USP2: variants seen among roughly 807,000 people sequenced by gnomAD.
The protein encoded by USP2 is ubiquitin specific peptidase 2.
Under a neutral mutation model 72.0 loss-of-function variants are expected in USP2, and 33 were observed. The ratio of observed to expected loss-of-function variants is 0.46; its 90% CI spans 0.35 to 0.61. The LOEUF (loss-of-function observed/expected upper bound fraction) is 0.61. Among genes scored for constraint, USP2 ranks in the 20% least tolerant of loss-of-function variants. USP2 has a pLI of 0.01. For synonymous variants in USP2, 296 were observed against 312.5 expected, an observed-to-expected ratio of 0.95 and a Z score of 0.56; for missense variants, 691 against 797.8, an observed-to-expected ratio of 0.87 and a Z score of 1.61.
chr11:119,357,003 C>T (rs950133405), intron 12 of USP2, 81 bp from the exon 13 acceptor site: 37 of 1,508,242 alleles, frequency 2.5e-5, no homozygotes, highest in African/African-American at 1.4e-4. Context: ...CCCCCGAGGC[C>T]GGCCGGCCTG....
intron 2 of USP2, among the ~76,000 whole-genome samples, chr11:119,361,615 G>A (rs1029609679): frequency 3.9e-5 from 6 of 151,910 alleles, no homozygotes; most frequent in African/African-American, 1.5e-4. Context: ...CAGCTGGGGG[G>A]GAGGGGTGTG....
rs1950813496 is a variant in USP2 at position 119,364,137 on chromosome 11, G to A, written c.775-3903C>T. The A allele has an allele frequency of 4.9e-6, 6 of 1,218,622 alleles. No individual in the cohort carries two copies. The East Asian group carries it at 9.8e-5, about 20-fold the overall frequency. 75.5% of individuals were successfully genotyped at this position (1,218,622 alleles called of 1,614,324 possible). On this transcript the variant is annotated intron_variant, in intron 2 of 12. Transcript: ENST00000260187. ...CAGCGTCCGCGGCGCCCGAACGCGC[G>A]CTCCTCCGCCTCAACCTCCCCGGCG...
intron 4 of USP2, 67 bp downstream of exon 4, chr11:119,359,470 G>T: frequency 6.2e-7 from 1 of 1,606,694 alleles, no homozygotes; most frequent in South Asian, 1.1e-5. Context: ...ACAACACCTA[G>T]AACAGCCCCA....
At chr11:119,381,269 G>T (rs1951055511) in intron 1 of USP2, among the ~76,000 whole-genome samples, 1 of 152,110 alleles carries the variant, frequency 6.6e-6, no homozygotes, top group Non-Finnish European at 1.5e-5. Context: ...CACACAGTTG[G>T]CTCTTCCTGG....
intron 1 of USP2, chr11:119,379,042 TCTC>T (rs1309629258): frequency 5.1e-6 from 5 of 985,358 alleles, no homozygotes; most frequent in Non-Finnish European, 6.0e-6. Flanking sequence ...GCTGGGGGCT[TCTC>T]CTTCCCCAGC....
rs1309336462 is a variant in USP2, at chr11:119,359,253, C to T, written c.1039G>A (p.Ala347Thr). 2 of 1,613,946 alleles carry T rather than the reference C, an allele frequency of 1.2e-6. No homozygotes were observed. Among genetic ancestry groups the T allele is most frequent in the Admixed American group, 1.7e-5 (1 of 60,012 alleles). ...SEFKTQIQRY[A>T]PRFVGYNQQD... ...TACTTATAGCCAACAAAGCGCGGTGCGTATCTCTGGATCTGGGTCTTGAAC... is the reference window on the plus strand; with the variant it reads ...TACTTATAGCCAACAAAGCGCGGTGTGTATCTCTGGATCTGGGTCTTGAAC... The change falls in exon 5 of 13, where the codon GCA (alanine) becomes ACA (threonine). Residue 347 changes from alanine (A) to threonine (T), a missense_variant. Physicochemically the swap from Ala to Thr is moderately conservative, Grantham distance 58. Coordinates refer to ENST00000260187, the MANE Select transcript of USP2 (RefSeq NM_004205.5).
At chr11:119,376,927 A>T (rs1951009621) in intron 1 of USP2, among the ~76,000 whole-genome samples, 1 of 152,276 alleles carries the variant, frequency 6.6e-6, no homozygotes, top group Non-Finnish European at 1.5e-5. Flanking sequence ...TTAAGCTGGG[A>T]TTCTTTCAGA....
At chr11:119,368,615 C>A (rs948095119) in intron 2 of USP2, among the ~76,000 whole-genome samples, 1 of 152,238 alleles carries the variant, frequency 6.6e-6, no homozygotes, top group Non-Finnish European at 1.5e-5. Context: ...AAATAGGACC[C>A]AGGTATTCAG....
intron 1 of USP2, among the ~76,000 whole-genome samples, chr11:119,380,278 A>G (rs1056032695): frequency 6.6e-6 from 1 of 151,816 alleles, no homozygotes; most frequent in Non-Finnish European, 1.5e-5. Flanking sequence ...ACCATGTCCC[A>G]TAACTGGGAA....
In USP2 at chr11:119,360,248, A is replaced by G. The variant is rs145283051; in HGVS notation, c.775-14T>C. On this transcript the variant is annotated splice_polypyrimidine_tract_variant and intron_variant, in intron 2 of 12. Coordinates refer to ENST00000260187, the MANE Select transcript of USP2 (RefSeq NM_004205.5). ...ACTCTTAGAATTCTGTAAGCAAAGA[A>G]CATATGGCAATAAGGTGGAAGCAAA... 2,029 of 1,613,766 alleles carry G rather than the reference A, an allele frequency of 1.3e-3. 22 individuals are homozygous for G. The African/African-American group carries it at 0.024, about 19-fold the overall frequency.
intron 2 of USP2, among the ~76,000 whole-genome samples, chr11:119,367,150 T>C (rs989331948): frequency 2.6e-5 from 4 of 152,224 alleles, no homozygotes; most frequent in African/African-American, 9.6e-5. Context: ...TTCTGGCATC[T>C]GAATCTGGCT....
chr11:119,381,365 T>G, intron 1 of USP2, 108 bp downstream of exon 1: 2 of 1,218,030 alleles, frequency 1.6e-6, no homozygotes, highest in Non-Finnish European at 2.3e-6. Flanking sequence ...TCCCTATATT[T>G]CTAGTGTCCA....
At chr11:119,358,285 A>G in intron 7 of USP2, 33 bp from the exon 8 acceptor site, 1 of 1,593,538 alleles carries the variant, frequency 6.3e-7, no homozygotes, top group Non-Finnish European at 8.6e-7. Context: ...ATGCTGAAAT[A>G]CAGGAAGTAG....
At chr11:119,364,504 G>T (rs1197447579) in intron 2 of USP2, among the ~76,000 whole-genome samples, 2 of 152,192 alleles carry the variant, frequency 1.3e-5, no homozygotes, top group Non-Finnish European at 2.9e-5. Flanking sequence ...CGCAGAGGAC[G>T]TCTCCCCAAG....
chr11:119,363,998 T>TGGGGGGC (rs1660588262), intron 2 of USP2: 5 of 180,576 alleles, frequency 2.8e-5, no homozygotes, highest in Non-Finnish European at 3.2e-5. Context: ...GTGCGCATGC[T>TGGGGGGC]GGGGGGCGGG....
At chr11:119,362,700 AAG>A (rs1318974527) in intron 2 of USP2, among the ~76,000 whole-genome samples, 1 of 152,178 alleles carries the variant, frequency 6.6e-6, no homozygotes, top group East Asian at 1.9e-4. Context: ...GACAGGGAGA[AAG>A]GGGCCAGAAC....
chr11:119,376,586 C>A (rs1236602034), intron 1 of USP2, among the ~76,000 whole-genome samples: 1 of 152,276 alleles, frequency 6.6e-6, no homozygotes, highest in African/African-American at 2.4e-5. Flanking sequence ...CTCCTCCTGG[C>A]CATCTTCACT....
rs1394082067 is a variant in USP2, at chr11:119,381,560, GAGC to G, written c.-132_-130del. 6.9e-5 allele frequency: 106 copies of G among 1,535,584 alleles called. No individual in the cohort carries two copies. Among genetic ancestry groups the G allele is most frequent in the Non-Finnish European group, 8.9e-5 (102 of 1,146,562 alleles). On this transcript the variant is annotated 5_prime_UTR_variant, in exon 1 of 13. Coordinates refer to ENST00000260187, the MANE Select transcript of USP2 (RefSeq NM_004205.5). ...CCGGCTGGCGCTGGCGCGGCGCAGT[GAGC>G]ACCAGCTGACGAAGAGGGCTCCCCG...
At position 119,374,560 on chromosome 11, in the gene USP2, G is replaced by A. The variant is rs1950976015; in HGVS notation, c.-41-1039C>T. Among the ~76,000 whole-genome samples the A allele has an allele frequency of 2.0e-5, 3 of 152,206 alleles. No individual in the cohort carries two copies. In the South Asian group the frequency reaches 6.2e-4, roughly 31 times the overall value. On this transcript the variant is annotated intron_variant, in intron 1 of 12. Transcript: ENST00000260187. ...CCAGCAGAGCCAGGACTGGAATCCA[G>A]GTCTTTAAAATCCTGGCCAGTGTTC...
Sources: allele counts gnomAD v4.1 joint callset (sites outside exome capture counted in the v4.1 genomes callset), GRCh38; gene constraint gnomAD v4.1.1; transcripts MANE v1.5; gene names NCBI Gene and HGNC (gene_info 2026-07-23, HGNC 2026-07-21).